ARR3: variants seen among roughly 807,000 people sequenced by gnomAD.
ARR3 encodes the protein arrestin-C.
Under a neutral mutation model 35.4 loss-of-function variants are expected in ARR3, and 14 were observed. The observed-to-expected ratio is 0.40, with a 90% CI of 0.26 to 0.62. ARR3 has a LOEUF of 0.62. ARR3 is among the 20% of genes least tolerant of loss of function. ARR3 has a pLI of 0.46. For synonymous variants in ARR3, 97 were observed against 119.1 expected (o/e 0.81, Z 1.21); for missense variants, 259 against 303.8 (o/e 0.85, Z 1.10).
Position 70,281,770 on chromosome X carries a change from C to T in ARR3, c.*4C>T. ...TGAGGGAGATGAGGGGAGCTGAGCA[C>T]CTCGCTCTGGTGCCCGTCTGTGTGG... On this transcript the variant is annotated 3_prime_UTR_variant, in exon 17 of 17. Coordinates refer to ENST00000307959, the MANE Select transcript of ARR3 (RefSeq NM_004312.3). 3 of 1,165,761 alleles carry T rather than the reference C, an allele frequency of 2.6e-6. No homozygotes were observed. The highest frequency in any genetic ancestry group is 1.9e-5 in the South Asian group (1 of 52,120).
intron 2 of ARR3, 89 bp from the exon 3 acceptor site, chrX:70,269,567 CTAAGAA>C (rs1483932573): frequency 1.4e-5 from 15 of 1,077,103 alleles, no homozygotes; most frequent in African/African-American, 3.7e-5. Flanking sequence ...TCTCCTAATC[CTAAGAA>C]TATTTCTTTT....
At chrX:70,274,778 C>A (rs1390914249) in intron 5 of ARR3, among the ~76,000 whole-genome samples, 1 of 111,496 alleles carries the variant, frequency 9.0e-6, no homozygotes, top group African/African-American at 3.3e-5. Context: ...AAAAGGTCTC[C>A]TTTATAAGGG....
chrX:70,278,947 A>G (rs1264220326), intron 12 of ARR3, among the ~76,000 whole-genome samples: 1 of 113,111 alleles, frequency 8.8e-6, no homozygotes, highest in Non-Finnish European at 1.9e-5. Context: ...TATCTTTGTG[A>G]GAATCCCACT....
At chrX:70,281,000 G>GT in intron 15 of ARR3, 99 bp from the exon 16 acceptor site, 2 of 634,927 alleles carry the variant, frequency 3.1e-6, no homozygotes, top group Non-Finnish European at 4.3e-6. Context: ...GGATTGGGAA[G>GT]TTGGGGGGGG....
At chrX:70,271,902 C>CA (rs1265289898) in intron 5 of ARR3, among the ~76,000 whole-genome samples, 5 of 110,038 alleles carry the variant, frequency 4.5e-5, no homozygotes, top group Non-Finnish European at 7.6e-5. Context: ...TCCTAGCATG[C>CA]AAAAAAAAGG....
chrX:70,276,345 A>AG, intron 6 of ARR3, 64 bp downstream of exon 6: 1 of 1,187,454 alleles, frequency 8.4e-7, no homozygotes, highest in East Asian at 3.0e-5. Flanking sequence ...AAGCTCAAGA[A>AG]GGACAACAAG....
At chrX:70,271,044 T>C (rs904113781) in intron 5 of ARR3, among the ~76,000 whole-genome samples, 2 of 112,058 alleles carry the variant, frequency 1.8e-5, no homozygotes, top group Non-Finnish European at 3.8e-5. Flanking sequence ...GAGAATAAAG[T>C]AGCCTAAATC....
Position 70,280,192 on chromosome X carries a change from C to T in ARR3, c.906-3C>T, listed in dbSNP as rs772180500. On this transcript the variant is annotated splice_region_variant and splice_polypyrimidine_tract_variant and intron_variant, in intron 12 of 16. Coordinates refer to ENST00000307959, the MANE Select transcript of ARR3 (RefSeq NM_004312.3). The stretch of plus-strand genomic sequence containing the variant: ...ACCCTAAAACGAATACTACAACCTC[C>T]AGTATTAGACCGGGAATGGACAAAG... The T allele has an allele frequency of 3.3e-6, 4 of 1,206,036 alleles. No individual in the cohort carries two copies. The highest frequency in any genetic ancestry group is 1.8e-5 in the African/African-American group (1 of 56,955).
Position 70,281,731 on chromosome X carries a change from A to T in ARR3, c.1132A>T (p.Lys378Ter). 6.7e-6 allele frequency: 8 copies of T among 1,185,792 alleles called. No homozygotes were observed. The highest frequency in any genetic ancestry group is 9.1e-6 in the Non-Finnish European group (8 of 882,033). ...FTRKGEEESQ[K>*]AVEAEGDEGS ...GCGGAAAGGCGAGGAGGAGAGCCAG[A>T]AGGCTGTGGAGGCTGAGGGAGATGA... The change falls in exon 17 of 17, where the codon AAG becomes TAG. Residue 378 changes from lysine (K) to a stop codon, truncating the protein, a stop_gained. Transcript: ENST00000307959. LOFTEE classifies it high-confidence loss of function.
In ARR3 at chrX:70,270,103, G is replaced by T; in HGVS notation, c.104G>T (p.Gly35Val). ...DHVDTVEPIDGVVLVDPEYLK... is the reference protein window; with the variant it reads ...DHVDTVEPIDVVVLVDPEYLK... ...CTGTCTGTCCTTCTCTCCACAGACG[G>T]TGTTGTCCTGGTTGATCCTGAGTAC... The change falls in exon 5 of 17, where the codon GGT becomes GTT. Residue 35 changes from glycine (G) to valine (V), a missense_variant. Coordinates refer to ENST00000307959, the MANE Select transcript of ARR3 (RefSeq NM_004312.3). The T allele has an allele frequency of 8.3e-7, 1 of 1,212,058 alleles. No individual in the cohort carries two copies. Among genetic ancestry groups the T allele is most frequent in the Non-Finnish European group, 1.1e-6 (1 of 895,335 alleles).
At chrX:70,271,017 G>A (rs761347583) in intron 5 of ARR3, among the ~76,000 whole-genome samples, 1 of 111,510 alleles carries the variant, frequency 9.0e-6, no homozygotes, top group Non-Finnish European at 1.9e-5. Context: ...TAGTTCAGAT[G>A]TAACTGTTAG....
chrX:70,270,360 A>G (rs2085625221), intron 5 of ARR3, among the ~76,000 whole-genome samples: 1 of 112,486 alleles, frequency 8.9e-6, no homozygotes. Flanking sequence ...TTAGAGGCCC[A>G]AAGTGTGAAA....
chrX:70,269,585 C>T, intron 2 of ARR3, 77 bp from the exon 3 acceptor site: 2 of 1,111,721 alleles, frequency 1.8e-6, no homozygotes, highest in Non-Finnish European at 2.4e-6. Context: ...ATTTCTTTTT[C>T]TCCCCAATTC....
chrX:70,274,401 A>C (rs937254713), intron 5 of ARR3, among the ~76,000 whole-genome samples: 2 of 110,473 alleles, frequency 1.8e-5, no homozygotes, highest in African/African-American at 6.6e-5. Context: ...GGTTATCACC[A>C]TGTTGGCCAG....
rs368945330 is a variant in ARR3, at chrX:70,280,290, T to A, written c.989+12T>A. The A allele has an allele frequency of 5.0e-6, 6 of 1,200,704 alleles. No individual in the cohort carries two copies. The African/African-American group carries it at 7.1e-5, about 14-fold the overall frequency. ...GTGTCCTGTGGTGGGTAAGTGAGGG[T>A]TCTGGGTCTGTCTGGGCAGGGGCTG... On this transcript the variant is annotated intron_variant, in intron 13 of 16. Transcript: ENST00000307959.
intron 12 of ARR3, among the ~76,000 whole-genome samples, chrX:70,279,754 G>A (rs1476208336): frequency 8.9e-6 from 1 of 112,109 alleles, no homozygotes; most frequent in Non-Finnish European, 1.9e-5. Context: ...AGAATGTGAA[G>A]GATCTGGATA....
At chrX:70,280,409 C>G in intron 13 of ARR3, 131 bp downstream of exon 13, 1 of 959,403 alleles carries the variant, frequency 1.0e-6, no homozygotes, top group Non-Finnish European at 1.4e-6. Context: ...GGTTCCCAAA[C>G]CTGTGAGCTC....
intron 4 of ARR3, 75 bp from the exon 5 acceptor site, chrX:70,270,025 T>C: frequency 8.5e-7 from 1 of 1,182,525 alleles, no homozygotes. Context: ...GGAAGAACCA[T>C]TTCAGGGATC....
intron 6 of ARR3, 60 bp from the exon 7 acceptor site, chrX:70,276,373 T>C (rs2085652815): frequency 8.4e-7 from 1 of 1,191,827 alleles, no homozygotes; most frequent in African/African-American, 1.8e-5. Flanking sequence ...GTTCCCCATT[T>C]CTTTTGTATT....
Sources: allele counts gnomAD v4.1 joint callset (sites outside exome capture counted in the v4.1 genomes callset), GRCh38; gene constraint gnomAD v4.1.1; transcripts MANE v1.5; gene names NCBI Gene and HGNC (gene_info 2026-07-23, HGNC 2026-07-21).